Variants in HAPLN3 observed in about 807,000 individuals in gnomAD.
The protein encoded by HAPLN3 is hyaluronan and proteoglycan link protein 3, also known as extracellular link domain containing, 1.
Under a neutral mutation model 28.1 loss-of-function variants are expected in HAPLN3, and 28 were observed. The observed-to-expected ratio is 1.00, with a 90% CI of 0.74 to 1.37. The LOEUF is 1.37. HAPLN3 is among the 40% of genes most tolerant of loss of function. The pLI is 0.00. For missense variants in HAPLN3, 513 were observed against 504.6 expected, an observed-to-expected ratio of 1.02 and a Z score of -0.16; for synonymous variants, 211 against 213.1, an observed-to-expected ratio of 0.99 and a Z score of 0.09.
At chr15:88,882,069 C>A (rs1262139574) in intron 2 of HAPLN3, among the ~76,000 whole-genome samples, 1 of 152,174 alleles carries the variant, frequency 6.6e-6, no homozygotes, top group South Asian at 2.1e-4. Flanking sequence ...TGCCAGCCAC[C>A]ATGAGCACAT....
intron 2 of HAPLN3, among the ~76,000 whole-genome samples, chr15:88,884,369 C>T (rs1567202825): frequency 6.6e-6 from 1 of 152,164 alleles, no homozygotes; most frequent in African/African-American, 2.4e-5. Flanking sequence ...TCGAGACCAT[C>T]CTGGCTAACA....
chr15:88,893,821 G>C (rs559677927), intron 1 of HAPLN3, among the ~76,000 whole-genome samples: 1 of 151,564 alleles, frequency 6.6e-6, no homozygotes, highest in African/African-American at 2.4e-5. Flanking sequence ...CCAGCTACTC[G>C]GGAGGCTGAA....
chr15:88,891,309 T>G (rs1366541427), intron 1 of HAPLN3, among the ~76,000 whole-genome samples: 1 of 151,996 alleles, frequency 6.6e-6, no homozygotes, highest in Non-Finnish European at 1.5e-5. Context: ...TTTTTGTTTT[T>G]GTTTTGAGGC....
In HAPLN3 at chr15:88,879,796, G is replaced by C. The variant is rs1304573586; in HGVS notation, c.494-527C>G. ...TTGGGGAAGGGCCTTCCATAAAGGA[G>C]GCTCAAGGGCAGGGAGGTCTGGGGC... On this transcript the variant is annotated intron_variant, in intron 3 of 4. Coordinates refer to ENST00000359595, the MANE Select transcript of HAPLN3 (RefSeq NM_178232.4). The surrounding 1 kb of genome is among the most constrained non-coding windows in gnomAD (Gnocchi z 5.0). 9.0e-7 allele frequency: 1 copy of C among 1,105,350 alleles called. No individual in the cohort carries two copies. The highest frequency in any genetic ancestry group is 1.1e-6 in the Non-Finnish European group (1 of 900,532). 68.5% of individuals were successfully genotyped at this position (1,105,350 alleles called of 1,614,324 possible). A position where few individuals can be genotyped will look rare whatever the true frequency, so the allele number is the denominator to read the frequency against.
chr15:88,883,669 C>A (rs911844575), intron 2 of HAPLN3, among the ~76,000 whole-genome samples: 1 of 152,224 alleles, frequency 6.6e-6, no homozygotes, highest in Non-Finnish European at 1.5e-5. Flanking sequence ...GGTAGATGTA[C>A]ATTCAATCAT....
Position 88,879,567 on chromosome 15 carries a change from G to A in HAPLN3, c.494-298C>T, listed in dbSNP as rs1897640028. 1.4e-6 allele frequency: 2 copies of A among 1,389,814 alleles called. No individual in the cohort carries two copies. Among genetic ancestry groups the A allele is most frequent in the African/African-American group, 1.4e-5 (1 of 69,624 alleles). 86.1% of individuals were successfully genotyped at this position (1,389,814 alleles called of 1,614,324 possible). A position where few individuals can be genotyped will look rare whatever the true frequency, so the allele number is the denominator to read the frequency against. On this transcript the variant is annotated intron_variant, in intron 3 of 4. Coordinates refer to ENST00000359595, the MANE Select transcript of HAPLN3 (RefSeq NM_178232.4). The surrounding 1 kb of genome is among the most constrained non-coding windows in gnomAD (Gnocchi z 5.0). ...GCAAGGCTGTCGCCAGACCCCCAGT[G>A]AGGCTGTGCCATCTTCTCCAGACAG...
In HAPLN3 at chr15:88,880,133, G is replaced by T. The variant is rs902946789; in HGVS notation, c.494-864C>A. On this transcript the variant is annotated intron_variant, in intron 3 of 4. Coordinates refer to ENST00000359595, the MANE Select transcript of HAPLN3 (RefSeq NM_178232.4). This position sits in a 1 kb window ranked among gnomAD's most constrained non-coding sequence, Gnocchi z 6.0. ...AGAAGCCCATGGGCCCTGACAGTCA[G>T]CTTGCAGCCTCTACGTGTGTTTGCA... 6.0e-6 allele frequency: 6 copies of T among 992,290 alleles called. No individual in the cohort carries two copies. The African/African-American group carries it at 8.7e-5, about 14-fold the overall frequency. The allele number at this position is 992,290 out of a possible 1,614,324, so 61.5% of individuals were successfully genotyped here.
Position 88,880,402 on chromosome 15 carries a change from T to C in HAPLN3, c.493+955A>G. On this transcript the variant is annotated intron_variant, in intron 3 of 4. Coordinates refer to ENST00000359595, the MANE Select transcript of HAPLN3 (RefSeq NM_178232.4). The surrounding 1 kb of genome is among the most constrained non-coding windows in gnomAD (Gnocchi z 6.0). ...AGAGAACGCATTTTAAGGACATACA[T>C]CTTATCCTCATTGCCTCTGAGGGAG... 1.7e-6 allele frequency: 2 copies of C among 1,179,150 alleles called. No individual in the cohort carries two copies. The highest frequency in any genetic ancestry group is 6.3e-5 in the East Asian group (1 of 15,816). 73.0% of individuals were successfully genotyped at this position (1,179,150 alleles called of 1,614,324 possible).
intron 4 of HAPLN3, 39 bp from the exon 5 acceptor site, chr15:88,878,295 G>C (rs781560965): frequency 6.4e-7 from 1 of 1,565,172 alleles, no homozygotes; most frequent in Non-Finnish European, 8.7e-7. Flanking sequence ...CAGCGCAGGG[G>C]GCAGCCAGAG....
chr15:88,894,226 G>C (rs1003709337), intron 1 of HAPLN3, among the ~76,000 whole-genome samples: 1 of 152,212 alleles, frequency 6.6e-6, no homozygotes, highest in Non-Finnish European at 1.5e-5. Context: ...GTGGAGGTCA[G>C]TGAACTACCC....
rs749709538 is a variant in HAPLN3, at chr15:88,879,427, G to A, written c.494-158C>T. The stretch of plus-strand genomic sequence containing the variant: ...TCAGCAAACCTCTGACCTCCTGTCC[G>A]TTGCCGCCTCTCTCCTGGGACTCAG... On this transcript the variant is annotated intron_variant, in intron 3 of 4. Coordinates refer to ENST00000359595, the MANE Select transcript of HAPLN3 (RefSeq NM_178232.4). The surrounding 1 kb of genome is among the most constrained non-coding windows in gnomAD (Gnocchi z 5.0). The A allele has an allele frequency of 3.0e-5, 46 of 1,534,844 alleles. No homozygotes were observed. Among genetic ancestry groups the A allele is most frequent in the Middle Eastern group, 1.7e-4 (1 of 6,008 alleles).
rs141308595 is a variant in HAPLN3 at position 88,881,639 on chromosome 15, G to T, written c.211C>A (p.Arg71Ser). 1.1e-3 allele frequency: 1,768 copies of T among 1,613,890 alleles called. 3 individuals carry two copies. Among genetic ancestry groups the T allele is most frequent in the Middle Eastern group, 2.0e-3 (12 of 6,046 alleles). The change falls in exon 3 of 5, where the codon CGC (arginine) becomes AGC (serine). Residue 71 changes from arginine to serine, a missense_variant. Coordinates refer to ENST00000359595, the MANE Select transcript of HAPLN3 (RefSeq NM_178232.4). The surrounding 1 kb of genome is among the most constrained non-coding windows in gnomAD (Gnocchi z 6.0). Reference protein sequence around the residue: ...YQGASVILPCRYRYEPALVSP... With the variant: ...YQGASVILPCSYRYEPALVSP... ...ACCAGGGCCGGCTCGTAGCGGTAGC[G>T]GCAGGGCAGGATCACACTGGCCCCT... is the stretch of plus-strand genomic sequence containing the variant.
chr15:88,887,044 C>T (rs2141668470), intron 2 of HAPLN3, 131 bp downstream of exon 2: 1 of 980,750 alleles, frequency 1.0e-6, no homozygotes, highest in Non-Finnish European at 1.6e-6. Flanking sequence ...AGCAAGCTGG[C>T]CCACTACAAG....
chr15:88,884,189 A>G (rs966642017), intron 2 of HAPLN3, among the ~76,000 whole-genome samples: 4 of 152,250 alleles, frequency 2.6e-5, no homozygotes, highest in Admixed American at 2.6e-4. Flanking sequence ...AGGGAAAGAC[A>G]AAAATGAAAT....
rs369076877 is a variant in HAPLN3, at chr15:88,881,400, G to A, written c.450C>T (p.Asp150=). 3.9e-5 allele frequency: 63 copies of A among 1,613,764 alleles called. No individual in the cohort carries two copies. In the South Asian group the frequency reaches 4.4e-4, roughly 11 times the overall value. Residue 150 remains aspartate, a synonymous_variant, in exon 3 of 5, where the codon GAC becomes GAT. Transcript: ENST00000359595. The surrounding 1 kb of genome is among the most constrained non-coding windows in gnomAD (Gnocchi z 6.0). ...DYGRYRCEVI[D]GLEDESGLVE... is the part of the protein sequence containing the mutation. ...CCAGACCGCTTTCATCCTCCAGCCCGTCAATGACCTCACAGCGGTAACGCC... is the reference window on the plus strand; with the variant it reads ...CCAGACCGCTTTCATCCTCCAGCCCATCAATGACCTCACAGCGGTAACGCC...
At chr15:88,887,668 A>T (rs75954639) in intron 1 of HAPLN3, among the ~76,000 whole-genome samples, 2,670 of 152,296 alleles carry the variant, frequency 0.018, 97 homozygotes, top group African/African-American at 0.06. Flanking sequence ...CCAGAATTTG[A>T]AAGGTTATGG....
intron 1 of HAPLN3, among the ~76,000 whole-genome samples, chr15:88,891,820 C>G (rs921136134): frequency 1.3e-5 from 2 of 152,168 alleles, no homozygotes; most frequent in Admixed American, 1.3e-4. Context: ...TGGCCCAGAG[C>G]AAACCCTTGT....
rs765896850 is a variant in HAPLN3, at chr15:88,878,124, C to A, written c.929G>T (p.Arg310Leu). The A allele has an allele frequency of 9.9e-6, 16 of 1,613,994 alleles. No homozygotes were observed. The highest frequency in any genetic ancestry group is 1.1e-5 in the Non-Finnish European group (13 of 1,180,028). The change falls in exon 5 of 5, where the codon CGC becomes CTC. Residue 310 changes from arginine (R) to leucine (L), a missense_variant. By Grantham distance (102) the Arg-to-Leu change is moderately radical. Coordinates refer to ENST00000359595, the MANE Select transcript of HAPLN3 (RefSeq NM_178232.4). ...FAAWKFHGLD[R>L]CDAGWLADGS... ...ATCTGCCAGCCAGCCAGCGTCGCAG[C>A]GGTCCAGGCCATGGAACTTCCAGGC... is the stretch of plus-strand genomic sequence containing the variant.
At chr15:88,889,972 G>A (rs1448622857) in intron 1 of HAPLN3, among the ~76,000 whole-genome samples, 1 of 135,400 alleles carries the variant, frequency 7.4e-6, no homozygotes, top group Non-Finnish European at 1.6e-5. Flanking sequence ...AAGGGAGAAA[G>A]GAAGGAAGGA....
Sources: gnomAD v4.1 joint callset for allele counts (sites outside exome capture counted in the v4.1 genomes callset) on GRCh38, gnomAD v4.1.1 for gene constraint, Gnocchi (gnomAD v3.1) non-coding constraint, MANE v1.5 for transcripts, NCBI Gene and HGNC (gene_info 2026-07-23, HGNC 2026-07-21) for gene names.